The following EVPL variants were observed in gnomAD, a reference collection of about 807,000 sequenced individuals.
EVPL encodes the protein 210 kDa cornified envelope precursor protein.
EVPL carries 94 observed loss-of-function variants against 129.7 expected under a neutral mutation model. The ratio of observed to expected loss-of-function variants is 0.72; its 90% CI spans 0.61 to 0.86. EVPL has a LOEUF of 0.86. Ranked by LOEUF, EVPL falls within the 40% of genes least tolerant of loss-of-function variation. The pLI is 0.00. For missense variants in EVPL, 2,625 were observed against 2,721.1 expected (o/e 0.96, Z 0.79); for synonymous variants, 1,172 against 1,191.1 (o/e 0.98, Z 0.33).
In EVPL at chr17:76,027,209, G is replaced by A; in HGVS notation, c.-11C>T. The A allele has an allele frequency of 1.3e-6, 2 of 1,591,336 alleles. No individual in the cohort carries two copies. The highest frequency in any genetic ancestry group is 8.6e-7 in the Non-Finnish European group (1 of 1,164,084). On this transcript the variant is annotated 5_prime_UTR_variant, in exon 1 of 22. Transcript: ENST00000301607. ...CAGCCCCTTGAACATGGTCGTAAAG[G>A]CAAGTGCTGGCTCAGGCTGGGCTTG...
At position 76,008,625 on chromosome 17, in the gene EVPL, T is replaced by G; in HGVS notation, c.4580A>C (p.Gln1527Pro). The G allele has an allele frequency of 6.2e-7, 1 of 1,612,340 alleles. No individual in the cohort carries two copies. The highest frequency in any genetic ancestry group is 8.5e-7 in the Non-Finnish European group (1 of 1,180,018). ...KTIYKEVIRV[Q>P]KDRVLEDERA... is the part of the protein sequence containing the mutation. ...CTCATCTTCCAGGACGCGGTCCTTC[T>G]GCACCCGGATCACTTCCTTGTAGAT... The change falls in exon 22 of 22, where the codon CAG becomes CCG. Residue 1527 changes from glutamine to proline, a missense_variant. Physicochemically the swap from Gln to Pro is moderately conservative, Grantham distance 76 (BLOSUM62 -1). Transcript: ENST00000301607. The surrounding 1 kb of genome is among the most constrained non-coding windows in gnomAD (Gnocchi z 7.4).
At chr17:76,026,096 T>A (rs2066496483) in intron 1 of EVPL, among the ~76,000 whole-genome samples, 1 of 152,034 alleles carries the variant, frequency 6.6e-6, no homozygotes, top group Admixed American at 6.6e-5. Flanking sequence ...CATGCGCCAC[T>A]ACATCCAGAT....
At position 76,008,941 on chromosome 17, in the gene EVPL, G is replaced by A; in HGVS notation, c.4264C>T (p.Leu1422=). The change falls in exon 22 of 22, where the codon CTG becomes TTG. Residue 1422 remains leucine (L), a synonymous_variant. Coordinates refer to ENST00000301607, the MANE Select transcript of EVPL (RefSeq NM_001988.4). The surrounding 1 kb of genome is among the most constrained non-coding windows in gnomAD (Gnocchi z 7.4). ...LRAGVEEQEG[L]LSFQEDRSKK... is the part of the protein sequence containing the mutation. Reference sequence around the variant, plus strand: ...CTGCGGTCCTCCTGGAAGCTGAGCAGGCCCTCCTGCTCCTCCACGCCGGCC... The same window carrying A: ...CTGCGGTCCTCCTGGAAGCTGAGCAAGCCCTCCTGCTCCTCCACGCCGGCC... 6.2e-7 allele frequency: 1 copy of A among 1,612,348 alleles called. No homozygotes were observed. The highest frequency in any genetic ancestry group is 1.1e-5 in the South Asian group (1 of 91,066).
rs1429885738 is a variant in EVPL, at chr17:76,008,406, C to T, written c.4799G>A (p.Arg1600Gln). 8.2e-6 allele frequency: 13 copies of T among 1,593,370 alleles called. No individual in the cohort carries two copies. Among genetic ancestry groups the T allele is most frequent in the South Asian group, 1.1e-5 (1 of 90,184 alleles). ...QECGRLQQEL[R>Q]ALERQKQQQT... ...CTGCTGCTTCTGCCTCTCCAGAGCC[C>T]GCAGCTCCTGCTGCAGCCGCCCACA... The change falls in exon 22 of 22, where the codon CGG (arginine) becomes CAG (glutamine). Residue 1600 changes from arginine to glutamine, a missense_variant. Physicochemically the swap from Arg to Gln is conservative, Grantham distance 43. Transcript: ENST00000301607. The surrounding 1 kb of genome is among the most constrained non-coding windows in gnomAD (Gnocchi z 7.4).
Position 76,010,254 on chromosome 17 carries a change from T to G in EVPL, c.2951A>C (p.Lys984Thr). The change falls in exon 22 of 22, where the codon AAG (lysine) becomes ACG (threonine). Residue 984 changes from lysine to threonine, a missense_variant. By Grantham distance (78) the Lys-to-Thr change is moderately conservative (BLOSUM62 -1). Around this residue, in one of 4 missense-constraint regions of EVPL, gnomAD observed 1,453 missense variants for 1,511.8 expected, o/e 0.96. Transcript: ENST00000301607. Reference protein sequence around the residue: ...RVKAQVEEEGKRRAGLQADLE... With the variant: ...RVKAQVEEEGTRRAGLQADLE... Reference sequence around the variant, plus strand: ...GTCTGCCTGCAGGCCAGCCCGCCGCTTGCCCTCCTCCTCCACCTGGGCCTT... The same window carrying G: ...GTCTGCCTGCAGGCCAGCCCGCCGCGTGCCCTCCTCCTCCACCTGGGCCTT... 6.2e-7 allele frequency: 1 copy of G among 1,613,988 alleles called. No individual in the cohort carries two copies. The highest frequency in any genetic ancestry group is 8.5e-7 in the Non-Finnish European group (1 of 1,180,018).
chr17:76,021,305 C>G (rs1158924645), intron 9 of EVPL, among the ~76,000 whole-genome samples, 163 bp downstream of exon 9: 2 of 152,164 alleles, frequency 1.3e-5, no homozygotes, highest in Non-Finnish European at 2.9e-5. Flanking sequence ...ATCCACCAGC[C>G]TCGGCCTCCC....
chr17:76,011,718 G>A, intron 20 of EVPL, 50 bp from the exon 21 acceptor site: 1 of 1,610,800 alleles, frequency 6.2e-7, no homozygotes, highest in African/African-American at 1.3e-5. Context: ...TCCTGCCTTG[G>A]ACCCTACAGA....
chr17:76,018,065 A>G (rs1159373348), intron 13 of EVPL, 96 bp downstream of exon 13: 1 of 1,533,014 alleles, frequency 6.5e-7, no homozygotes, highest in Non-Finnish European at 8.8e-7. Context: ...GATGGTCCCT[A>G]ACCCAAGGCG....
rs779300113 is a variant in EVPL, at chr17:76,022,070, G to GA, written c.646-43dup. The GA allele has an allele frequency of 2.6e-5, 41 of 1,561,550 alleles. No homozygotes were observed. The highest frequency in any genetic ancestry group is 4.6e-4 in the Middle Eastern group (2 of 4,316). The stretch of plus-strand genomic sequence containing the variant: ...CCGCCAGCAGCAGGGTGGGGAGACA[G>GA]AAAGTGGGGGGCAAAAGGCGCCATT... On this transcript the variant is annotated intron_variant, in intron 6 of 21. Coordinates refer to ENST00000301607, the MANE Select transcript of EVPL (RefSeq NM_001988.4). This position sits in a 1 kb window ranked among gnomAD's most constrained non-coding sequence, Gnocchi z 5.6.
intron 18 of EVPL, 118 bp from the exon 19 acceptor site, chr17:76,012,207 G>T: frequency 1.4e-6 from 1 of 700,314 alleles, no homozygotes; most frequent in Non-Finnish European, 2.4e-6. Context: ...ACAAGAAAGG[G>T]CAGGGAGGGA....
Position 76,015,236 on chromosome 17 carries a change from G to T in EVPL, c.2019C>A (p.Ser673Arg). 6.3e-7 allele frequency: 1 copy of T among 1,594,464 alleles called. No individual in the cohort carries two copies. Among genetic ancestry groups the T allele is most frequent in the Non-Finnish European group, 8.5e-7 (1 of 1,174,386 alleles). ...AEPGALQERV[S>R]ELQRQRRELL... is the part of the protein sequence containing the mutation. ...CCGGCTGGTCCCTTACCTGCAGCTC[G>T]CTGACCCTCTCCTGCAGAGCCCCCG... The change falls in exon 16 of 22, where the codon AGC becomes AGA. Residue 673 changes from serine (S) to arginine (R), a missense_variant. Physicochemically the swap from Ser to Arg is moderately radical, Grantham distance 110. Coordinates refer to ENST00000301607, the MANE Select transcript of EVPL (RefSeq NM_001988.4).
chr17:76,009,390 C>A lies in EVPL; in HGVS notation c.3815G>T (p.Arg1272Leu). 1 of 1,614,012 alleles carries A rather than the reference C, an allele frequency of 6.2e-7. No individual in the cohort carries two copies. The highest frequency in any genetic ancestry group is 8.5e-7 in the Non-Finnish European group (1 of 1,180,008). ...RSPEVLREID[R>L]LKAQLNELVN... ...GAGCTCGTTGAGCTGAGCCTTCAGG[C>A]GGTCGATCTCACGCAGCACCTCGGG... Residue 1272 changes from arginine to leucine, a missense_variant, in exon 22 of 22, where the codon CGC becomes CTC. Arg to Leu is a moderately radical substitution (Grantham distance 102). Around this residue, in one of 4 missense-constraint regions of EVPL, gnomAD observed 1,453 missense variants for 1,511.8 expected, o/e 0.96. Transcript: ENST00000301607. This position sits in a 1 kb window ranked among gnomAD's most constrained non-coding sequence, Gnocchi z 5.9.
Position 76,007,726 on chromosome 17 carries a change from T to G in EVPL, c.5479A>C (p.Ile1827Leu). 1 of 1,612,860 alleles carries G rather than the reference T, an allele frequency of 6.2e-7. No homozygotes were observed. The highest frequency in any genetic ancestry group is 8.5e-7 in the Non-Finnish European group (1 of 1,179,118). The change falls in exon 22 of 22, where the codon ATC becomes CTC. Residue 1827 changes from isoleucine (I) to leucine (L), a missense_variant. Ile to Leu is a conservative substitution (Grantham distance 5). Around this residue, in one of 4 missense-constraint regions of EVPL, gnomAD observed 1,453 missense variants for 1,511.8 expected, o/e 0.96. Transcript: ENST00000301607. The surrounding 1 kb of genome is among the most constrained non-coding windows in gnomAD (Gnocchi z 8.8). ...GTGGTTGTGTCATAGATCCCGGCGA[T>G]AGGGAAGCTGTCATCACCGAGCCCG... ...SLGLGDDSFP[I>L]AGIYDTTTDN...
Position 76,015,097 on chromosome 17 carries a change from C to G in EVPL, c.2041G>C (p.Glu681Gln). The G allele has an allele frequency of 6.4e-7, 1 of 1,574,364 alleles. No homozygotes were observed. The change falls in exon 17 of 22, where the codon GAG (glutamate) becomes CAG (glutamine). Residue 681 changes from glutamate to glutamine, a missense_variant. Around this residue, in one of 4 missense-constraint regions of EVPL, gnomAD observed 1,024 missense variants for 997.5 expected, o/e 1.03. Transcript: ENST00000301607. Reference protein sequence around the residue: ...RVSELQRQRRELLEQQTCVLR... With the variant: ...RVSELQRQRRQLLEQQTCVLR... ...ACGCAGGTCTGCTGTTCCAGCAGCT[C>G]CCTCCGCTGGCGCTGCAGGAGGAGG...
At chr17:76,018,748 G>T in intron 11 of EVPL, 148 bp from the exon 12 acceptor site, 1 of 1,213,968 alleles carries the variant, frequency 8.2e-7, no homozygotes, top group Non-Finnish European at 1.1e-6. Context: ...GTAGAAAAGA[G>T]GCAGGACAGG....
intron 19 of EVPL, 36 bp from the exon 20 acceptor site, chr17:76,011,918 A>G: frequency 6.2e-7 from 1 of 1,607,598 alleles, no homozygotes; most frequent in Non-Finnish European, 8.5e-7. Flanking sequence ...GCTGGCAACC[A>G]GTGGGGGAGG....
Position 76,007,393 on chromosome 17 carries a change from G to A in EVPL, c.5812C>T (p.Gln1938Ter), listed in dbSNP as rs2066326595. 3.1e-6 allele frequency: 5 copies of A among 1,601,984 alleles called. No homozygotes were observed. Among genetic ancestry groups the A allele is most frequent in the Non-Finnish European group, 8.5e-7 (1 of 1,172,238 alleles). The change falls in exon 22 of 22, where the codon CAG becomes TAG. Residue 1938 changes from glutamine to a stop codon, truncating the protein, a stop_gained. Coordinates refer to ENST00000301607, the MANE Select transcript of EVPL (RefSeq NM_001988.4). LOFTEE classifies it low-confidence loss of function (END_TRUNC). This position sits in a 1 kb window ranked among gnomAD's most constrained non-coding sequence, Gnocchi z 8.8. ...TCGATGAGCCCCCCGGTCAGGTGCT[G>A]CACCTGCAGGTGTGGGAGCACGCTC... ...RESVLPHLQVQHLTGGLIDPK... is the reference protein window; with the variant it reads ...RESVLPHLQV
intron 1 of EVPL, among the ~76,000 whole-genome samples, chr17:76,025,792 C>T (rs2066494542): frequency 6.6e-6 from 1 of 152,220 alleles, no homozygotes; most frequent in Non-Finnish European, 1.5e-5. Context: ...AGGCGGGCTG[C>T]TGCCTCCTCT....
In EVPL at chr17:76,022,266, G is replaced by T. The variant is rs1405704718; in HGVS notation, c.607-39C>A. ...GGGGAGAAACAAGCCCGTGAGAGGT[G>T]GGGTGCAGGGAGACGGCCCCCTAAG... On this transcript the variant is annotated intron_variant, in intron 5 of 21. Coordinates refer to ENST00000301607, the MANE Select transcript of EVPL (RefSeq NM_001988.4). This position sits in a 1 kb window ranked among gnomAD's most constrained non-coding sequence, Gnocchi z 5.6. 6.2e-7 allele frequency: 1 copy of T among 1,611,362 alleles called. No homozygotes were observed. The highest frequency in any genetic ancestry group is 1.1e-5 in the South Asian group (1 of 90,820).
Sources: allele counts gnomAD v4.1 joint callset (sites outside exome capture counted in the v4.1 genomes callset), GRCh38; gene constraint gnomAD v4.1.1; regional missense constraint gnomAD v4.1.1; non-coding constraint Gnocchi (gnomAD v3.1); transcripts MANE v1.5; gene names NCBI Gene and HGNC (gene_info 2026-07-23, HGNC 2026-07-21).